The following TMEM232 variants were observed in gnomAD, a reference collection of about 807,000 sequenced individuals.
TMEM232 encodes transmembrane protein 232.
In TMEM232, 80 loss-of-function variants were observed where a neutral mutation model predicts 78.8. The ratio of observed to expected loss-of-function variants is 1.01; its 90% CI spans 0.85 to 1.22. TMEM232 has a LOEUF of 1.22. Among genes scored for constraint, TMEM232 ranks in the 50% most tolerant of loss-of-function variants. The pLI is 0.00. For missense variants in TMEM232, 881 were observed against 742.2 expected (o/e 1.19, Z -2.17); for synonymous variants, 297 against 254.3 (o/e 1.17, Z -1.60).
Position 110,423,946 on chromosome 5 carries a change from C to T in TMEM232, c.1797+877G>A, listed in dbSNP as rs1487199206. ...TTGAAATTTTTGAAGATGACCTGTA[C>T]ATATATTGGTTTAACAAAAACTTTA... On this transcript the variant is annotated intron_variant, in intron 13 of 13. Coordinates refer to ENST00000455884, the MANE Select transcript of TMEM232 (RefSeq NM_001039763.4). Among the ~76,000 whole-genome samples the T allele has an allele frequency of 2.0e-5, 3 of 152,008 alleles. No individual in the cohort carries two copies. In the East Asian group the frequency reaches 5.8e-4, roughly 29 times the overall value.
At chr5:110,406,568 G>A (rs1188762163) in intron 2 of TMEM232, among the ~76,000 whole-genome samples, 1 of 151,986 alleles carries the variant, frequency 6.6e-6, no homozygotes. Context: ...GTCCTTCACA[G>A]ACAAACAGAA....
At chr5:110,530,012 T>A (rs1771190665) in intron 11 of TMEM232, among the ~76,000 whole-genome samples, 1 of 152,240 alleles carries the variant, frequency 6.6e-6, no homozygotes, top group Non-Finnish European at 1.5e-5. Flanking sequence ...GACTCAGGAT[T>A]CATTTTAGAT....
At chr5:110,598,928 G>A (rs920603970) in intron 10 of TMEM232, among the ~76,000 whole-genome samples, 1 of 150,278 alleles carries the variant, frequency 6.7e-6, no homozygotes, top group African/African-American at 2.5e-5. Flanking sequence ...GAGTTAATGG[G>A]TGCAGCACAC....
intron 12 of TMEM232, among the ~76,000 whole-genome samples, chr5:110,525,650 T>C (rs80094619): frequency 0.015 from 2,239 of 151,886 alleles, 56 homozygotes; most frequent in African/African-American, 0.052. Context: ...TGCAAGTAAA[T>C]TTACAACTAG....
chr5:110,698,167 C>A (rs565946526), intron 1 of TMEM232, among the ~76,000 whole-genome samples: 124 of 152,148 alleles, frequency 8.1e-4, no homozygotes, highest in African/African-American at 2.8e-3. Context: ...AACCATCATT[C>A]TCAGCAAACT....
chr5:110,672,893 A>G (rs1489296236), intron 1 of TMEM232, among the ~76,000 whole-genome samples: 1 of 152,110 alleles, frequency 6.6e-6, no homozygotes, highest in Non-Finnish European at 1.5e-5. Context: ...TTATTTTAAG[A>G]TTCGTTTTCC....
intron 10 of TMEM232, among the ~76,000 whole-genome samples, chr5:110,576,002 C>A (rs1453851854): frequency 6.6e-6 from 1 of 152,024 alleles, no homozygotes; most frequent in Non-Finnish European, 1.5e-5. Flanking sequence ...AGGAAAGAGG[C>A]TGAATCCAGG....
chr5:110,569,748 T>G (rs1581246760), intron 10 of TMEM232, among the ~76,000 whole-genome samples: 1 of 151,778 alleles, frequency 6.6e-6, no homozygotes, highest in Non-Finnish European at 1.5e-5. Context: ...CCGGAGGGGG[T>G]ACTAACTATG....
intron 3 of TMEM232, among the ~76,000 whole-genome samples, chr5:110,393,782 CCCCA>C (rs1755287318): frequency 6.6e-6 from 1 of 151,830 alleles, no homozygotes; most frequent in Non-Finnish European, 1.5e-5. Flanking sequence ...CATGGTGAAA[CCCCA>C]TCTCTACTAA....
At chr5:110,733,357 G>A (rs1298386336) in intron 2 of TMEM232, among the ~76,000 whole-genome samples, 1 of 152,012 alleles carries the variant, frequency 6.6e-6, no homozygotes, top group Non-Finnish European at 1.5e-5. Context: ...ATAACCAAAG[G>A]AATATAAATC....
At chr5:110,501,366 T>C (rs1207523085) in intron 12 of TMEM232, among the ~76,000 whole-genome samples, 3 of 152,004 alleles carry the variant, frequency 2.0e-5, no homozygotes. Flanking sequence ...AAGTAGAATG[T>C]AAATACTAAT....
chr5:110,457,219 A>G (rs1211964689), intron 12 of TMEM232, among the ~76,000 whole-genome samples: 1 of 152,128 alleles, frequency 6.6e-6, no homozygotes, highest in African/African-American at 2.4e-5. Flanking sequence ...ATTTCACAAA[A>G]GAAGATACCT....
chr5:110,402,537 C>T (rs978006632), intron 2 of TMEM232, among the ~76,000 whole-genome samples: 1 of 151,936 alleles, frequency 6.6e-6, no homozygotes, highest in Non-Finnish European at 1.5e-5. Flanking sequence ...GTAATTTAAC[C>T]AAAAGAGAAT....
chr5:110,586,068 T>C (rs1778784779), intron 10 of TMEM232, among the ~76,000 whole-genome samples: 1 of 152,144 alleles, frequency 6.6e-6, no homozygotes, highest in Admixed American at 6.6e-5. Flanking sequence ...GAGAAAGAGA[T>C]ACAGGTCAAG....
intron 10 of TMEM232, among the ~76,000 whole-genome samples, chr5:110,604,708 C>T (rs984018024): frequency 6.6e-6 from 1 of 152,226 alleles, no homozygotes; most frequent in East Asian, 1.9e-4. Flanking sequence ...AATGCAATCC[C>T]AGCACTTTGG....
chr5:110,522,160 G>A (rs1208849632), intron 12 of TMEM232, among the ~76,000 whole-genome samples: 1 of 152,000 alleles, frequency 6.6e-6, no homozygotes, highest in African/African-American at 2.4e-5. Flanking sequence ...TTATTTCCAA[G>A]TATTTTATTC....
intron 12 of TMEM232, among the ~76,000 whole-genome samples, chr5:110,496,841 T>C (rs56974395): frequency 0.034 from 5,145 of 152,136 alleles, 271 homozygotes; most frequent in East Asian, 0.24. Context: ...AATATAATTC[T>C]ATGTCACTCA....
upstream of TMEM232, among the ~76,000 whole-genome samples, chr5:110,730,586 G>T (rs1361956935): frequency 6.6e-6 from 1 of 152,172 alleles, no homozygotes; most frequent in African/African-American, 2.4e-5. Context: ...CAGAATCATG[G>T]CGGGAGGTGA....
At chr5:110,584,866 A>G (rs1457812318) in intron 10 of TMEM232, among the ~76,000 whole-genome samples, 1 of 152,074 alleles carries the variant, frequency 6.6e-6, no homozygotes, top group Non-Finnish European at 1.5e-5. Flanking sequence ...TAGGAAGCCT[A>G]AATCTATCTT....
Sources: gnomAD v4.1 joint callset for allele counts (sites outside exome capture counted in the v4.1 genomes callset) on GRCh38, gnomAD v4.1.1 for gene constraint, MANE v1.5 for transcripts, NCBI Gene and HGNC (gene_info 2026-07-23, HGNC 2026-07-21) for gene names.